ZC3H18: variants seen among roughly 807,000 people sequenced by gnomAD.
ZC3H18 encodes the protein zinc finger CCCH domain-containing protein 18.
In ZC3H18, 8 loss-of-function variants were observed where a neutral mutation model predicts 106.1. That is an observed-to-expected ratio of 0.08 (90% CI 0.04 to 0.14). The LOEUF (loss-of-function observed/expected upper bound fraction) is 0.14. Ranked by LOEUF, ZC3H18 falls within the 10% of genes least tolerant of loss-of-function variation. ZC3H18 has a pLI of 1.00. For missense variants in ZC3H18, 1,318 were observed against 1,278.4 expected (o/e 1.03, Z -0.47); for synonymous variants, 635 against 522.1 (o/e 1.22, Z -2.95).
Position 88,570,454 on chromosome 16 carries a change from C to G in ZC3H18, c.-127C>G, listed in dbSNP as rs1342846250. 2.0e-5 allele frequency: 3 copies of G among 151,854 alleles called. No individual in the cohort carries two copies. Among genetic ancestry groups the G allele is most frequent in the African/African-American group, 7.3e-5 (3 of 41,354 alleles). 9.4% of individuals were successfully genotyped at this position (151,854 alleles called of 1,614,324 possible). On this transcript the variant is annotated 5_prime_UTR_variant, in exon 1 of 18. Transcript: ENST00000301011. Reference sequence around the variant, plus strand: ...GGGTAGTGGAGCCCGTTTGTTCCGCCCGTGTCGAGCCTGGAGCCAGAACCT... The same window carrying G: ...GGGTAGTGGAGCCCGTTTGTTCCGCGCGTGTCGAGCCTGGAGCCAGAACCT...
chr16:88,606,668 T>C (rs1337495381), intron 6 of ZC3H18, among the ~76,000 whole-genome samples: 1 of 152,220 alleles, frequency 6.6e-6, no homozygotes, highest in Non-Finnish European at 1.5e-5. Context: ...CTGTCCAGGC[T>C]TCCTCTTCGT....
intron 3 of ZC3H18, among the ~76,000 whole-genome samples, chr16:88,589,214 A>G (rs1443209200): frequency 1.3e-5 from 2 of 152,238 alleles, no homozygotes; most frequent in Non-Finnish European, 2.9e-5. Flanking sequence ...GCCCTCATTC[A>G]CTGCTCGTGA....
intron 2 of ZC3H18, 142 bp downstream of exon 2, chr16:88,577,868 T>G: frequency 6.8e-7 from 1 of 1,478,340 alleles, no homozygotes; most frequent in African/African-American, 1.4e-5. Flanking sequence ...AGGCTTGTTT[T>G]GGGTTCAGTC....
chr16:88,629,102 G>A (rs1207138484), intron 16 of ZC3H18, among the ~76,000 whole-genome samples: 1 of 152,268 alleles, frequency 6.6e-6, no homozygotes, highest in Non-Finnish European at 1.5e-5. Context: ...ACTTTGGGAG[G>A]CTGAGGCCGG....
chr16:88,576,963 T>C, intron 1 of ZC3H18, 147 bp from the exon 2 acceptor site: 1 of 746,442 alleles, frequency 1.3e-6, no homozygotes, highest in Non-Finnish European at 2.0e-6. Context: ...GGCCTGTCTT[T>C]CTCTGCAGAG....
chr16:88,581,681 G>C (rs767584272), intron 2 of ZC3H18, among the ~76,000 whole-genome samples: 1 of 152,206 alleles, frequency 6.6e-6, no homozygotes. Flanking sequence ...GCATGGAAGA[G>C]AGCTGGGTGC....
intron 6 of ZC3H18, 191 bp from the exon 7 acceptor site, chr16:88,608,743 A>T: frequency 2.1e-6 from 1 of 473,050 alleles, no homozygotes. Flanking sequence ...CTGTGAATAG[A>T]ACCCTTTGAC....
Position 88,577,632 on chromosome 16 carries a change from G to T in ZC3H18, c.509G>T (p.Gly170Val). 6.2e-7 allele frequency: 1 copy of T among 1,613,926 alleles called. No homozygotes were observed. Among genetic ancestry groups the T allele is most frequent in the African/African-American group, 1.3e-5 (1 of 75,030 alleles). The change falls in exon 2 of 18, where the codon GGT (glycine) becomes GTT (valine). Residue 170 changes from glycine to valine, a missense_variant. Physicochemically the swap from Gly to Val is moderately radical, Grantham distance 109 (BLOSUM62 -3). Around this residue, in one of 6 missense-constraint regions of ZC3H18, gnomAD observed 346 missense variants for 269.0 expected, o/e 1.29. Coordinates refer to ENST00000301011, the MANE Select transcript of ZC3H18 (RefSeq NM_144604.4). ...EGTPREEGKA[G>V]VQSVGEKESL... The stretch of plus-strand genomic sequence containing the variant: ...ACTCCCAGGGAGGAGGGGAAGGCTG[G>T]TGTTCAGAGTGTGGGAGAAAAGGAA...
At chr16:88,594,568 G>A (rs1904335091) in intron 3 of ZC3H18, among the ~76,000 whole-genome samples, 1 of 152,160 alleles carries the variant, frequency 6.6e-6, no homozygotes. Context: ...TACTGAGCAT[G>A]CAGGTTCCCT....
chr16:88,623,561 G>T, intron 10 of ZC3H18: 1 of 643,000 alleles, frequency 1.6e-6, no homozygotes, highest in East Asian at 2.9e-5. Flanking sequence ...GTCACTGAGG[G>T]CCACAGCCTG....
chr16:88,592,750 A>G (rs1033724648), intron 3 of ZC3H18, among the ~76,000 whole-genome samples: 1 of 152,178 alleles, frequency 6.6e-6, no homozygotes, highest in Non-Finnish European at 1.5e-5. Flanking sequence ...TCGAAACTAT[A>G]TTTATAATAA....
At chr16:88,607,915 A>C (rs1489179956) in intron 6 of ZC3H18, among the ~76,000 whole-genome samples, 3 of 152,176 alleles carry the variant, frequency 2.0e-5, no homozygotes, top group African/African-American at 7.2e-5. Context: ...ATTTCTGGTG[A>C]AATGTGTTGA....
In ZC3H18 at chr16:88,598,720, C is replaced by G. The variant is rs937363074; in HGVS notation, c.930+8C>G. The G allele has an allele frequency of 6.2e-7, 1 of 1,607,748 alleles. No individual in the cohort carries two copies. Among genetic ancestry groups the G allele is most frequent in the South Asian group, 1.1e-5 (1 of 89,902 alleles). On this transcript the variant is annotated splice_region_variant and intron_variant, in intron 5 of 17. Transcript: ENST00000301011. ...CTCCGGCATGCAAAGGAGGTAAACA[C>G]AATTCAGCAGAAATCCCGACAAGAA... is the stretch of plus-strand genomic sequence containing the variant.
rs140943631 is a variant in ZC3H18, at chr16:88,608,987, G to T, written c.1142G>T (p.Arg381Leu). The part of the protein sequence containing the change: ...YYDYEIERFW[R>L]GGQYENFRVQ... ...GACTATGAAATTGAGCGGTTTTGGC[G>T]TGGCGGACAGTATGAGAATTTCAGG... The change falls in exon 7 of 18, where the codon CGT (arginine) becomes CTT (leucine). Residue 381 changes from arginine to leucine, a missense_variant. Around this residue, in one of 6 missense-constraint regions of ZC3H18, gnomAD observed 848 missense variants for 821.7 expected, o/e 1.03. Transcript: ENST00000301011. The T allele has an allele frequency of 6.2e-7, 1 of 1,613,808 alleles. No individual in the cohort carries two copies. The highest frequency in any genetic ancestry group is 1.7e-5 in the Admixed American group (1 of 59,984).
In ZC3H18 at chr16:88,598,199, A is replaced by G. The variant is rs372000129; in HGVS notation, c.710A>G (p.Asn237Ser). Residue 237 changes from asparagine to serine, a missense_variant, in exon 4 of 18, where the codon AAT (asparagine) becomes AGT (serine). By Grantham distance (46) the Asn-to-Ser change is conservative. This residue lies in a region of ZC3H18 where 30 missense variants were observed against 63.3 expected (regional missense o/e 0.47). Coordinates refer to ENST00000301011, the MANE Select transcript of ZC3H18 (RefSeq NM_144604.4). ...FMKGNCTWGM[N>S]CRFIHPGVND... ...ATAGGGAACTGTACCTGGGGAATGA[A>G]TTGTAGGTTTATACACCCTGGAGTG... 13 of 1,609,722 alleles carry G rather than the reference A, an allele frequency of 8.1e-6. No homozygotes were observed. The highest frequency in any genetic ancestry group is 1.1e-5 in the South Asian group (1 of 90,868).
chr16:88,630,990 C>A, intron 17 of ZC3H18, 111 bp from the exon 18 acceptor site: 1 of 1,381,810 alleles, frequency 7.2e-7, no homozygotes, highest in Non-Finnish European at 1.0e-6. Context: ...AGCCCCTTGC[C>A]TGTCCTGGTG....
chr16:88,575,457 T>G (rs1914689372), intron 1 of ZC3H18, among the ~76,000 whole-genome samples: 1 of 152,036 alleles, frequency 6.6e-6, no homozygotes, highest in South Asian at 2.1e-4. Context: ...ACCGCTGACC[T>G]GGCACTGTCC....
chr16:88,577,505 C>T lies in ZC3H18; in HGVS notation c.382C>T (p.Leu128=). 6.2e-7 allele frequency: 1 copy of T among 1,613,016 alleles called. No individual in the cohort carries two copies. Residue 128 remains leucine (L), a synonymous_variant, in exon 2 of 18, where the codon CTA becomes TTA. Transcript: ENST00000301011. ...SVTRELDEHE[L]DYDEEVPEEP... is the part of the protein sequence containing the mutation. The stretch of plus-strand genomic sequence containing the variant: ...CACCAGGGAGCTGGATGAGCATGAG[C>T]TAGACTACGATGAGGAGGTTCCTGA...
intron 3 of ZC3H18, among the ~76,000 whole-genome samples, chr16:88,593,689 A>G (rs1297551624): frequency 6.6e-6 from 1 of 152,188 alleles, no homozygotes; most frequent in Non-Finnish European, 1.5e-5. Context: ...GCACACATTG[A>G]TGAGAAAGAC....
Sources: allele counts gnomAD v4.1 joint callset (sites outside exome capture counted in the v4.1 genomes callset), GRCh38; gene constraint gnomAD v4.1.1; regional missense constraint gnomAD v4.1.1; transcripts MANE v1.5; gene names NCBI Gene and HGNC (gene_info 2026-07-23, HGNC 2026-07-21).